Variants in MEF2A observed in about 807,000 individuals in gnomAD.
The protein encoded by MEF2A is myocyte enhancer factor 2A, also known as myocyte-specific enhancer factor 2A.
MEF2A carries 28 observed loss-of-function variants against 55.8 expected under a neutral mutation model. The ratio of observed to expected loss-of-function variants is 0.50; its 90% CI spans 0.37 to 0.69. MEF2A has a LOEUF of 0.69. MEF2A is among the 30% of genes least tolerant of loss of function. The probability of loss-of-function intolerance (pLI) is 0.00; values close to 1 mark genes in which losing one functional copy is unlikely to be tolerated. For missense variants in MEF2A, 528 were observed against 626.2 expected, an observed-to-expected ratio of 0.84 and a Z score of 1.67; for synonymous variants, 239 against 227.1, an observed-to-expected ratio of 1.05 and a Z score of -0.47.
At chr15:99,643,663 C>T (rs2045437108) in intron 3 of MEF2A, among the ~76,000 whole-genome samples, 1 of 150,716 alleles carries the variant, frequency 6.6e-6, no homozygotes, top group South Asian at 2.1e-4. Flanking sequence ...GCGATCTCGG[C>T]TCACTGCAAG....
Position 99,712,750 on chromosome 15 carries a change from G to T in MEF2A, c.1497G>T (p.Arg499Ser). 1 of 1,559,468 alleles carries T rather than the reference G, an allele frequency of 6.4e-7. No individual in the cohort carries two copies. Among genetic ancestry groups the T allele is most frequent in the Non-Finnish European group, 8.7e-7 (1 of 1,151,436 alleles). Residue 499 changes from arginine to serine, a missense_variant, in exon 12 of 12, where the codon AGG (arginine) becomes AGT (serine). Arg to Ser is a moderately radical substitution (Grantham distance 110). This residue lies in a region of MEF2A where 450 missense variants were observed against 475.3 expected (regional missense o/e 0.95). Transcript: ENST00000557942. This position sits in a 1 kb window ranked among gnomAD's most constrained non-coding sequence, Gnocchi z 4.1. ...AAAGCCCTTCTGTAAAGCGAATGAG[G>T]ATGGACGCGTGGGTGACCTAAGGCT... Reference protein sequence around the residue: ...DRESPSVKRMRMDAWVT With the variant: ...DRESPSVKRMSMDAWVT
chr15:99,670,275 C>T (rs2153622792), intron 4 of MEF2A, among the ~76,000 whole-genome samples: 1 of 152,064 alleles, frequency 6.6e-6, no homozygotes, highest in African/African-American at 2.4e-5. Context: ...AAAAAAAAGT[C>T]AGTATAATCC....
intron 4 of MEF2A, among the ~76,000 whole-genome samples, chr15:99,646,318 A>T (rs1314140174): frequency 4.6e-5 from 7 of 152,128 alleles, no homozygotes; most frequent in Non-Finnish European, 7.4e-5. Context: ...TATTAGAATG[A>T]TCTTCTCAGA....
chr15:99,600,042 C>G (rs990041778), intron 2 of MEF2A, among the ~76,000 whole-genome samples: 2 of 152,076 alleles, frequency 1.3e-5, no homozygotes, highest in Non-Finnish European at 2.9e-5. Flanking sequence ...ACCAATTTCC[C>G]ACTCCACAGA....
intron 1 of MEF2A, among the ~76,000 whole-genome samples, chr15:99,592,633 G>A (rs948862396): frequency 2.0e-5 from 3 of 152,158 alleles, no homozygotes; most frequent in Admixed American, 2.0e-4. Context: ...GAATGTTACA[G>A]TCATGGTGAA....
intron 7 of MEF2A, among the ~76,000 whole-genome samples, chr15:99,687,700 A>G (rs1036221093): frequency 6.6e-6 from 1 of 152,156 alleles, no homozygotes; most frequent in African/African-American, 2.4e-5. Context: ...AGTGCTTTCT[A>G]TTTCATTGTA....
intron 2 of MEF2A, among the ~76,000 whole-genome samples, chr15:99,605,343 T>G (rs1322391820): frequency 6.6e-6 from 1 of 152,214 alleles, no homozygotes; most frequent in African/African-American, 2.4e-5. Context: ...CAACTTTAAT[T>G]CCATCTGCAA....
At chr15:99,638,833 A>G (rs958909667) in intron 3 of MEF2A, among the ~76,000 whole-genome samples, 1 of 152,204 alleles carries the variant, frequency 6.6e-6, no homozygotes, top group East Asian at 1.9e-4. Flanking sequence ...TGACATGTCT[A>G]GTGGTTTTTA....
intron 4 of MEF2A, 88 bp from the exon 5 acceptor site, chr15:99,671,235 T>C: frequency 6.9e-7 from 1 of 1,439,428 alleles, no homozygotes; most frequent in Non-Finnish European, 9.4e-7. Flanking sequence ...ATTCAGTTCA[T>C]TCCGTCTGTG....
chr15:99,580,023 T>C lies in MEF2A; in HGVS notation c.-225+13919T>C, dbSNP rs11247114. ...AGAGAATTTTGAAATTCCTTCCCTG[T>C]AGTCTGTGTTCTAATCTCTCCAGAC... On this transcript the variant is annotated intron_variant, in intron 1 of 11. Transcript: ENST00000557942. Among the ~76,000 whole-genome samples the C allele has an allele frequency of 4.9e-3, 739 of 152,288 alleles. 6 individuals are homozygous for C. The highest frequency in any genetic ancestry group is 0.017 in the African/African-American group (699 of 41,564).
intron 2 of MEF2A, among the ~76,000 whole-genome samples, chr15:99,602,701 G>GTGTGTGTGTGT (rs1973651335): frequency 1.9e-4 from 4 of 20,532 alleles, no homozygotes; most frequent in Non-Finnish European, 2.2e-4. Flanking sequence ...TGTGTGTGTA[G>GTGTGTGTGTGT]GGGTGGGGAG....
In MEF2A at chr15:99,603,543, T is replaced by TTGTG. The variant is rs1300288383; in HGVS notation, c.-143+5064_-143+5067dup. ...ATGCAGCCATCACACCTGGCTGATTTTGTGTGTGTGTGTGTGTGTGTGTGT... is the reference window on the plus strand; with the variant it reads ...ATGCAGCCATCACACCTGGCTGATTTTGTGTGTGTGTGTGTGTGTGTGTGTGTGT... On this transcript the variant is annotated intron_variant, in intron 2 of 11. Transcript: ENST00000557942. 5.7e-3 allele frequency among the ~76,000 whole-genome samples: 724 copies of TTGTG among 126,486 alleles called. 9 individuals are homozygous for TTGTG. Among genetic ancestry groups the TTGTG allele is most frequent in the South Asian group, 0.012 (42 of 3,542 alleles). The allele number at this position is 126,486 out of a possible 152,430, so 83.0% of individuals were successfully genotyped here.
In MEF2A at chr15:99,653,454, A is replaced by T. The variant is rs530001395; in HGVS notation, c.258+7690A>T. On this transcript the variant is annotated intron_variant, in intron 4 of 11. Coordinates refer to ENST00000557942, the MANE Select transcript of MEF2A (RefSeq NM_001319206.4). Reference sequence around the variant, plus strand: ...ATTATGCAATCAGTGCTGTACTGGTAAAAGAAATTCCAAATGATAGTATGA... The same window carrying T: ...ATTATGCAATCAGTGCTGTACTGGTTAAAGAAATTCCAAATGATAGTATGA... Among the ~76,000 whole-genome samples the T allele has an allele frequency of 2.0e-5, 3 of 152,312 alleles. No homozygotes were observed. In the East Asian group the frequency reaches 5.8e-4, roughly 29 times the overall value.
chr15:99,706,584 A>T, intron 9 of MEF2A, 145 bp from the exon 10 acceptor site: 1 of 766,974 alleles, frequency 1.3e-6, no homozygotes, highest in Non-Finnish European at 2.2e-6. Flanking sequence ...TATTCTCACT[A>T]GTATTTTTGA....
At chr15:99,676,719 G>A (rs187176832) in intron 7 of MEF2A, among the ~76,000 whole-genome samples, 7 of 152,020 alleles carry the variant, frequency 4.6e-5, no homozygotes, top group African/African-American at 1.2e-4. Context: ...ACAGGTGCCC[G>A]CCACCACGCC....
chr15:99,630,404 G>A (rs374097084), intron 2 of MEF2A, among the ~76,000 whole-genome samples: 25 of 151,890 alleles, frequency 1.6e-4, no homozygotes, highest in South Asian at 1.2e-3. Flanking sequence ...TTTCAAAATT[G>A]TATTTTTTGA....
intron 4 of MEF2A, among the ~76,000 whole-genome samples, chr15:99,663,133 A>G (rs2048954945): frequency 6.6e-6 from 1 of 151,984 alleles, no homozygotes; most frequent in South Asian, 2.1e-4. Flanking sequence ...CATGGGCTCT[A>G]GCAGATACTC....
At chr15:99,614,330 T>TC (rs1269283786) in intron 2 of MEF2A, among the ~76,000 whole-genome samples, 2 of 152,126 alleles carry the variant, frequency 1.3e-5, no homozygotes, top group Admixed American at 1.3e-4. Context: ...GCTCAAGTGA[T>TC]CCCTCACCTC....
intron 2 of MEF2A, among the ~76,000 whole-genome samples, chr15:99,627,362 G>T (rs1216628619): frequency 5.4e-5 from 7 of 130,244 alleles, no homozygotes; most frequent in Admixed American, 9.0e-5. Context: ...AGAGGTTTCA[G>T]TGAGCCGAGA....
Sources: gnomAD v4.1 joint callset for allele counts (sites outside exome capture counted in the v4.1 genomes callset) on GRCh38, gnomAD v4.1.1 for gene constraint, gnomAD v4.1.1 regional missense constraint, Gnocchi (gnomAD v3.1) non-coding constraint, MANE v1.5 for transcripts, NCBI Gene and HGNC (gene_info 2026-07-23, HGNC 2026-07-21) for gene names.